Variants in PROM1 observed in about 807,000 individuals in gnomAD.
PROM1 encodes prominin-1.
A neutral mutation model predicts 116.9 loss-of-function variants in PROM1; 105 were observed. The ratio of observed to expected loss-of-function variants is 0.90; its 90% confidence interval spans 0.77 to 1.06. PROM1 has a LOEUF of 1.06. Among genes scored for constraint, PROM1 ranks in the 50% least tolerant of loss-of-function variants. The pLI, the probability that PROM1 is intolerant of heterozygous loss-of-function variation, is 0.00. For missense variants in PROM1, 1,122 were observed against 1,045.2 expected, an observed-to-expected ratio of 1.07 and a Z score of -1.01; for synonymous variants, 393 against 387.0, an observed-to-expected ratio of 1.02 and a Z score of -0.18.
chr4:16,018,502 T>C lies in PROM1; in HGVS notation c.823A>G (p.Ser275Gly), dbSNP rs1728992062. ...ETKEALENMN[S>G]TLKSLHQQST... ...TGTTGGTGCAAGCTCTTCAAGGTGC[T>C]GTTCATGTTCTCCAACGCCTCTTTG... Residue 275 changes from serine (S) to glycine (G), a missense_variant, in exon 9 of 28, where the codon AGC (serine) becomes GGC (glycine). Ser to Gly is a moderately conservative substitution (Grantham distance 56). Coordinates refer to ENST00000447510, the MANE Select transcript of PROM1 (RefSeq NM_006017.3). 7 of 1,612,258 alleles carry C rather than the reference T, an allele frequency of 4.3e-6. No individual in the cohort carries two copies. Among genetic ancestry groups the C allele is most frequent in the Non-Finnish European group, 5.9e-6 (7 of 1,179,632 alleles).
In PROM1 at chr4:16,010,018, A is replaced by C. The variant is rs1263155165; in HGVS notation, c.1142-910T>G. ...AAAAAACAAACAAACAAACAGAAAAACACAAGTGACTCTGGGTGATATTTT... is the reference window on the plus strand; with the variant it reads ...AAAAAACAAACAAACAAACAGAAAACCACAAGTGACTCTGGGTGATATTTT... On this transcript the variant is annotated intron_variant, in intron 11 of 27. Transcript: ENST00000447510. Among the ~76,000 whole-genome samples, 4 of 151,952 alleles carry C rather than the reference A, an allele frequency of 2.6e-5. No individual in the cohort carries two copies. The East Asian group carries it at 7.7e-4, about 29-fold the overall frequency.
At chr4:16,023,445 G>A (rs1284959606) in intron 7 of PROM1, 30 bp from the exon 8 acceptor site, 2 of 1,520,964 alleles carry the variant, frequency 1.3e-6, no homozygotes, top group South Asian at 2.4e-5. Flanking sequence ...AAGATGGTGA[G>A]GGTGGCCTCT....
chr4:16,033,658 C>T (rs1733313243), intron 4 of PROM1, 149 bp from the exon 5 acceptor site: 2 of 585,874 alleles, frequency 3.4e-6, no homozygotes, highest in East Asian at 3.3e-5. Context: ...GGCGCGATTT[C>T]GGCTCACTGC....
intron 1 of PROM1, among the ~76,000 whole-genome samples, chr4:16,077,137 T>C (rs1480733562): frequency 6.6e-6 from 1 of 152,154 alleles, no homozygotes; most frequent in Non-Finnish European, 1.5e-5. Context: ...CCTCTTGCAG[T>C]TGAGACAAGA....
intron 2 of PROM1, among the ~76,000 whole-genome samples, chr4:16,061,525 C>T (rs998741438): frequency 6.6e-6 from 1 of 152,170 alleles, no homozygotes; most frequent in African/African-American, 2.4e-5. Flanking sequence ...CTCGGCTGAC[C>T]AGATGACATG....
intron 13 of PROM1, among the ~76,000 whole-genome samples, chr4:16,001,907 G>C (rs1258083101): frequency 6.6e-6 from 1 of 152,194 alleles, no homozygotes; most frequent in Non-Finnish European, 1.5e-5. Context: ...AGAGAATAAA[G>C]ACATGGAAAA....
At chr4:16,038,889 C>A in intron 3 of PROM1, 57 bp downstream of exon 3, 1 of 1,419,788 alleles carries the variant, frequency 7.0e-7, no homozygotes, top group South Asian at 1.6e-5. Context: ...TTCAAGTCAG[C>A]CAAAATTTTT....
chr4:16,060,507 G>T (rs1051143071), intron 2 of PROM1, among the ~76,000 whole-genome samples: 2 of 151,902 alleles, frequency 1.3e-5, no homozygotes, highest in Non-Finnish European at 2.9e-5. Flanking sequence ...TAGAGATGGG[G>T]TTTCGCCATG....
In PROM1 at chr4:15,984,754, T is replaced by C. The variant is rs368605637; in HGVS notation, c.2281-399A>G. Among the ~76,000 whole-genome samples the C allele has an allele frequency of 3.2e-3, 483 of 152,366 alleles. 2 individuals are homozygous for C. Among genetic ancestry groups the C allele is most frequent in the South Asian group, 0.016 (78 of 4,830 alleles). ...TATGAGAATCTAATGCCTGATGATC[T>C]GTCACTGTCTCCCATTACTCCCACT... is the stretch of plus-strand genomic sequence containing the variant. On this transcript the variant is annotated intron_variant, in intron 22 of 27. Coordinates refer to ENST00000447510, the MANE Select transcript of PROM1 (RefSeq NM_006017.3).
intron 13 of PROM1, among the ~76,000 whole-genome samples, chr4:16,004,544 T>C (rs535554389): frequency 2.0e-5 from 3 of 152,308 alleles, no homozygotes; most frequent in South Asian, 2.1e-4. Context: ...GAAATATAGG[T>C]ATATATACAC....
chr4:16,035,074 G>A lies in PROM1; in HGVS notation c.303+661C>T, dbSNP rs114315760. Among the ~76,000 whole-genome samples, 900 of 152,222 alleles carry A rather than the reference G, an allele frequency of 5.9e-3. 10 individuals carry two copies. Among genetic ancestry groups the A allele is most frequent in the African/African-American group, 0.02 (843 of 41,518 alleles). ...AAGATTAAATTGCTTAAAAAAAAGA[G>A]TGGCTGAATCTTGCTGGGTTCATCA... On this transcript the variant is annotated intron_variant, in intron 4 of 27. Coordinates refer to ENST00000447510, the MANE Select transcript of PROM1 (RefSeq NM_006017.3).
intron 6 of PROM1, 144 bp from the exon 7 acceptor site, chr4:16,024,502 T>C: frequency 1.5e-6 from 1 of 652,708 alleles, no homozygotes; most frequent in Non-Finnish European, 2.6e-6. Flanking sequence ...TTCTGCTTTC[T>C]GACAAGTTGG....
chr4:15,989,893 G>C, intron 18 of PROM1, 69 bp from the exon 19 acceptor site: 1 of 1,282,944 alleles, frequency 7.8e-7, no homozygotes, highest in Non-Finnish European at 1.1e-6. Flanking sequence ...GCTATCCTCA[G>C]GGGCCCTGTG....
At chr4:16,079,299 G>C (rs1744559223) in intron 1 of PROM1, 1 of 152,204 alleles carries the variant, frequency 6.6e-6, no homozygotes, top group Non-Finnish European at 1.5e-5. Context: ...AATTCCCAGT[G>C]AAGTGAAACA....
At chr4:15,974,451 C>G (rs1036229840) in intron 26 of PROM1, among the ~76,000 whole-genome samples, 1 of 151,444 alleles carries the variant, frequency 6.6e-6, no homozygotes, top group African/African-American at 2.4e-5. Flanking sequence ...AAAAAGAGAC[C>G]AAAAAAAACT....
chr4:15,980,614 T>A (rs199871818), intron 23 of PROM1, 77 bp from the exon 24 acceptor site: 223,857 of 660,610 alleles, frequency 0.34, 11,236 homozygotes, highest in Middle Eastern at 0.38. Flanking sequence ...GGATTTTTTT[T>A]TTTTTTTTTT....
At chr4:16,032,496 T>C (rs1288795995) in intron 5 of PROM1, among the ~76,000 whole-genome samples, 1 of 152,332 alleles carries the variant, frequency 6.6e-6, no homozygotes, top group Non-Finnish European at 1.5e-5. Flanking sequence ...ACAAAGAGAA[T>C]GCTGTTGGCC....
At chr4:15,971,167 G>C in intron 26 of PROM1, 85 bp from the exon 27 acceptor site, 2 of 1,157,700 alleles carry the variant, frequency 1.7e-6, no homozygotes, top group Non-Finnish European at 2.5e-6. Flanking sequence ...AAGCAGGCAT[G>C]TGACTAAAGG....
In PROM1 at chr4:15,968,849, C is replaced by T. The variant is rs1713686166; in HGVS notation, c.*544G>A. 2 of 152,144 alleles carry T rather than the reference C, an allele frequency of 1.3e-5. No individual in the cohort carries two copies. Among genetic ancestry groups the T allele is most frequent in the South Asian group, 4.1e-4 (2 of 4,832 alleles). The allele number at this position is 152,144 out of a possible 1,614,324, so 9.4% of individuals were successfully genotyped here. On this transcript the variant is annotated 3_prime_UTR_variant, in exon 28 of 28. Transcript: ENST00000447510. ...ACTTTTAGTGAAAATGGATTATTTT[C>T]AACAGCACCAAGAAGTCAATGGTGA...
Sources: allele counts gnomAD v4.1 joint callset (sites outside exome capture counted in the v4.1 genomes callset), GRCh38; gene constraint gnomAD v4.1.1; transcripts MANE v1.5; gene names NCBI Gene and HGNC (gene_info 2026-07-23, HGNC 2026-07-21).